Variants in CCDC7 observed in about 807,000 individuals in gnomAD.
The protein encoded by CCDC7 is coiled-coil domain containing 7.
Under a neutral mutation model 196.9 loss-of-function variants are expected in CCDC7, and 183 were observed. The ratio of observed to expected loss-of-function variants is 0.93; its 90% CI spans 0.82 to 1.05. The LOEUF is 1.05. Among genes scored for constraint, CCDC7 ranks in the 50% least tolerant of loss-of-function variants. CCDC7 has a pLI of 0.00. For missense variants in CCDC7, 1,540 were observed against 1,482.2 expected (o/e 1.04, Z -0.64); for synonymous variants, 525 against 484.6 (o/e 1.08, Z -1.10).
intron 28 of CCDC7, among the ~76,000 whole-genome samples, chr10:32,730,824 G>A (rs2083841309): frequency 6.6e-6 from 1 of 151,936 alleles, no homozygotes; most frequent in South Asian, 2.1e-4. Flanking sequence ...TGCAACTAGA[G>A]CTGCTAGAAA....
intron 13 of CCDC7, among the ~76,000 whole-genome samples, chr10:32,563,889 G>A (rs924548162): frequency 1.6e-4 from 25 of 151,806 alleles, no homozygotes; most frequent in Middle Eastern, 3.4e-3. Context: ...GAAAATTTTC[G>A]CAACCTACTT....
intron 18 of CCDC7, among the ~76,000 whole-genome samples, chr10:32,617,022 G>A (rs1037282408): frequency 6.6e-6 from 1 of 151,696 alleles, no homozygotes. Context: ...GATATTGGGT[G>A]TTTGTATGTT....
chr10:32,498,832 T>C (rs2043343316), intron 9 of CCDC7, among the ~76,000 whole-genome samples: 1 of 152,020 alleles, frequency 6.6e-6, no homozygotes. Flanking sequence ...TTTTTTTCAT[T>C]TCTACCTTGG....
chr10:32,466,369 C>A (rs1306526015), intron 5 of CCDC7, among the ~76,000 whole-genome samples: 1 of 151,652 alleles, frequency 6.6e-6, no homozygotes, highest in Non-Finnish European at 1.5e-5. Context: ...TTTCATCACC[C>A]ACATATTAAG....
In CCDC7 at chr10:32,828,439, G is replaced by GAAGGAGAAGAAGAAGAAGAAGAAGA. The variant is rs1491102454; in HGVS notation, c.3268+3836_3268+3837insAGGAGAAGAAGAAGAAGAAGAAGAA. 8.6e-4 allele frequency among the ~76,000 whole-genome samples: 49 copies of GAAGGAGAAGAAGAAGAAGAAGAAGA among 56,834 alleles called. 2 individuals carry two copies. The highest frequency in any genetic ancestry group is 2.1e-3 in the African/African-American group (47 of 22,720). The allele number at this position is 56,834 out of a possible 152,430, so 37.3% of individuals were successfully genotyped here. Reference sequence around the variant, plus strand: ...AGGAGAAGAAGAAGAAGGAAGGAAGGAGAAGAAGAAGAAGAAGAAGAAGAA... The same window carrying GAAGGAGAAGAAGAAGAAGAAGAAGA: ...AGGAGAAGAAGAAGAAGGAAGGAAGGAAGGAGAAGAAGAAGAAGAAGAAGAAGAAGAAGAAGAAGAAGAAGAAGAA... On this transcript the variant is annotated intron_variant, in intron 32 of 41. Transcript: ENST00000639629.
At chr10:32,452,878 A>C (rs1032336372) in intron 1 of CCDC7, among the ~76,000 whole-genome samples, 2 of 152,182 alleles carry the variant, frequency 1.3e-5, no homozygotes, top group African/African-American at 4.8e-5. Flanking sequence ...ACAAATATAA[A>C]AAAATATATA....
At chr10:32,586,185 T>C (rs1173340076) in intron 18 of CCDC7, among the ~76,000 whole-genome samples, 4 of 152,240 alleles carry the variant, frequency 2.6e-5, no homozygotes, top group African/African-American at 9.6e-5. Context: ...TTGAAAAGTG[T>C]CTGTTCATAT....
intron 29 of CCDC7, among the ~76,000 whole-genome samples, chr10:32,783,595 G>A (rs2081372035): frequency 6.6e-6 from 1 of 152,156 alleles, no homozygotes; most frequent in African/African-American, 2.4e-5. Flanking sequence ...AAACAGTTTG[G>A]TTGTTTATCA....
At chr10:32,566,979 A>G (rs2056900911) in intron 14 of CCDC7, among the ~76,000 whole-genome samples, 1 of 119,744 alleles carries the variant, frequency 8.4e-6, no homozygotes. Flanking sequence ...ATAAATATAT[A>G]ACATATTTAT....
intron 41 of CCDC7, among the ~76,000 whole-genome samples, chr10:32,864,891 A>T (rs1349178987): frequency 6.6e-6 from 1 of 151,868 alleles, no homozygotes; most frequent in Non-Finnish European, 1.5e-5. Flanking sequence ...AGTAGTTCAC[A>T]TACAGCACGA....
intron 20 of CCDC7, among the ~76,000 whole-genome samples, chr10:32,636,893 G>C (rs2065757887): frequency 6.6e-6 from 1 of 152,038 alleles, no homozygotes; most frequent in South Asian, 2.1e-4. Flanking sequence ...AGCACCTGTT[G>C]TTTCCTGACT....
At chr10:32,805,151 GT>G (rs1366870931) in intron 30 of CCDC7, 53 bp downstream of exon 31, 12 of 1,291,164 alleles carry the variant, frequency 9.3e-6, no homozygotes, top group Non-Finnish European at 1.2e-5. Flanking sequence ...CTCCTTCAAA[GT>G]TTAAGTGTGT....
In CCDC7 at chr10:32,515,637, G is replaced by A. The variant is rs542653809; in HGVS notation, c.873-2308G>A. Among the ~76,000 whole-genome samples the A allele has an allele frequency of 6.3e-4, 96 of 152,014 alleles. 1 individual carries two copies. The highest frequency in any genetic ancestry group is 1.0e-3 in the South Asian group (5 of 4,802). ...TGGCTCACTGCAAGCTCTGCCTCCC[G>A]GGTTCACGCCATTCTTCTGCCTCAG... On this transcript the variant is annotated intron_variant, in intron 9 of 41. Transcript: ENST00000639629.
At chr10:32,595,053 G>C (rs2060179654) in intron 18 of CCDC7, among the ~76,000 whole-genome samples, 1 of 152,184 alleles carries the variant, frequency 6.6e-6, no homozygotes, top group Non-Finnish European at 1.5e-5. Context: ...TCAGGATGAT[G>C]TTGGCCTCAT....
intron 28 of CCDC7, among the ~76,000 whole-genome samples, chr10:32,757,439 T>A (rs1039023807): frequency 6.6e-6 from 1 of 152,166 alleles, no homozygotes; most frequent in Non-Finnish European, 1.5e-5. Flanking sequence ...GAACTCAGGA[T>A]TAAGAAACTC....
At chr10:32,466,541 G>C (rs1286608379) in intron 5 of CCDC7, among the ~76,000 whole-genome samples, 1 of 152,092 alleles carries the variant, frequency 6.6e-6, no homozygotes, top group African/African-American at 2.4e-5. Flanking sequence ...TTACGTTCCT[G>C]TGCTAGTTTG....
intron 18 of CCDC7, among the ~76,000 whole-genome samples, chr10:32,595,530 G>C (rs554752765): frequency 6.6e-6 from 1 of 152,036 alleles, no homozygotes; most frequent in South Asian, 2.1e-4. Context: ...AGAGTTTTTT[G>C]TCTCTATCTC....
upstream of CCDC7, among the ~76,000 whole-genome samples, chr10:32,448,709 A>G (rs1045034357): frequency 5.3e-5 from 8 of 152,104 alleles, no homozygotes; most frequent in African/African-American, 1.9e-4. Flanking sequence ...TATATATCGG[A>G]TGATCTTCTG....
Position 32,722,111 on chromosome 10 carries a change from C to T in CCDC7, c.2570-4623C>T, listed in dbSNP as rs533316010. Among the ~76,000 whole-genome samples, 30 of 152,194 alleles carry T rather than the reference C, an allele frequency of 2.0e-4. No individual in the cohort carries two copies. The South Asian group carries it at 6.0e-3, about 30-fold the overall frequency. ...CAGAAATGAAATAGTTATATCTTTT[C>T]TCCCCTAGTTCATGGATTTTTTTTG... On this transcript the variant is annotated intron_variant, in intron 25 of 41. Transcript: ENST00000639629.
Sources: allele counts gnomAD v4.1 joint callset (sites outside exome capture counted in the v4.1 genomes callset), GRCh38; gene constraint gnomAD v4.1.1; transcripts MANE v1.5; gene names NCBI Gene and HGNC (gene_info 2026-07-23, HGNC 2026-07-21).